The following GREB1 variants were observed in gnomAD, a reference collection of about 807,000 sequenced individuals.
The protein encoded by GREB1 is growth regulating estrogen receptor binding 1.
Under a neutral mutation model 200.7 loss-of-function variants are expected in GREB1, and 106 were observed. The ratio of observed to expected loss-of-function variants is 0.53; its 90% confidence interval spans 0.45 to 0.62. GREB1 has a LOEUF of 0.62. Among genes scored for constraint, GREB1 ranks in the 20% least tolerant of loss-of-function variants. GREB1 has a pLI of 0.00. For missense variants in GREB1, 2,243 were observed against 2,556.8 expected, an observed-to-expected ratio of 0.88 and a Z score of 2.65; for synonymous variants, 1,132 against 1,092.4, an observed-to-expected ratio of 1.04 and a Z score of -0.72.
intron 1 of GREB1, chr2:11,542,766 G>T (rs1674887189): frequency 1.3e-5 from 2 of 152,652 alleles, no homozygotes. Flanking sequence ...ATGCCCATAG[G>T]AAGGGCTCTC....
rs537207894 is a variant in GREB1 at position 11,539,452 on chromosome 2, C to T, written c.-162+5198C>T. ...CACAGCAGAGTTGTTTGAAGGGGCACGTGCTCGCTTATGTGGCTTAGGTCC... is the reference window on the plus strand; with the variant it reads ...CACAGCAGAGTTGTTTGAAGGGGCATGTGCTCGCTTATGTGGCTTAGGTCC... On this transcript the variant is annotated intron_variant, in intron 1 of 32. Coordinates refer to ENST00000381486, the MANE Select transcript of GREB1 (RefSeq NM_014668.4). Among the ~76,000 whole-genome samples, 23 of 152,226 alleles carry T rather than the reference C, an allele frequency of 1.5e-4. No homozygotes were observed. The South Asian group carries it at 4.6e-3, about 30-fold the overall frequency.
intron 18 of GREB1, among the ~76,000 whole-genome samples, chr2:11,611,324 C>G (rs1682906207): frequency 6.6e-6 from 1 of 152,088 alleles, no homozygotes; most frequent in Admixed American, 6.5e-5. Context: ...TCTTTATTTT[C>G]CCCTTTGAGA....
chr2:11,500,783 G>A (rs912828878), intron 1 of GREB1, among the ~76,000 whole-genome samples: 1 of 152,162 alleles, frequency 6.6e-6, no homozygotes, highest in Non-Finnish European at 1.5e-5. Context: ...GCAAATAATG[G>A]GGACTTTACA....
chr2:11,606,716 A>G (rs1682325745), intron 17 of GREB1, among the ~76,000 whole-genome samples: 1 of 151,230 alleles, frequency 6.6e-6, no homozygotes, highest in Admixed American at 6.6e-5. Flanking sequence ...ATCAAATGTG[A>G]CAATCTCTGC....
At chr2:11,569,709 G>A (rs1267647369) in intron 4 of GREB1, among the ~76,000 whole-genome samples, 2 of 152,230 alleles carry the variant, frequency 1.3e-5, no homozygotes, top group Non-Finnish European at 2.9e-5. Context: ...GAGGCTAACT[G>A]ACTTGCTCAG....
intron 17 of GREB1, 101 bp from the exon 18 acceptor site, chr2:11,610,587 G>A (rs1043840508): frequency 8.3e-6 from 7 of 844,158 alleles, no homozygotes; most frequent in South Asian, 1.7e-5. Flanking sequence ...GTATAATGCC[G>A]GAGTTGCCTG....
In GREB1 at chr2:11,627,612, T is replaced by C. The variant is rs763174700; in HGVS notation, c.4449+508T>C. ...AGCACCTACTGCATGCCAGGCAATG[T>C]GCCTAGGCACTTTTTATATATCAGT... On this transcript the variant is annotated intron_variant, in intron 25 of 32. Transcript: ENST00000381486. Among the ~76,000 whole-genome samples, 9 of 152,256 alleles carry C rather than the reference T, an allele frequency of 5.9e-5. No individual in the cohort carries two copies. In the South Asian group the frequency reaches 8.3e-4, roughly 14 times the overall value.
At chr2:11,568,014 A>G (rs1323276047) in intron 4 of GREB1, among the ~76,000 whole-genome samples, 1 of 152,174 alleles carries the variant, frequency 6.6e-6, no homozygotes, top group Non-Finnish European at 1.5e-5. Flanking sequence ...TCTTTGGAGG[A>G]AATCTGGGCA....
At chr2:11,546,657 G>T (rs1675307938) in intron 1 of GREB1, among the ~76,000 whole-genome samples, 1 of 152,148 alleles carries the variant, frequency 6.6e-6, no homozygotes, top group Non-Finnish European at 1.5e-5. Context: ...GGGAGAATAG[G>T]TAGAACCTGT....
intron 1 of GREB1, among the ~76,000 whole-genome samples, chr2:11,502,641 G>A (rs1673079827): frequency 6.6e-6 from 1 of 152,002 alleles, no homozygotes; most frequent in African/African-American, 2.4e-5. Context: ...ATAACTACAA[G>A]ACAGTTTAAC....
intron 1 of GREB1, among the ~76,000 whole-genome samples, chr2:11,517,657 A>T (rs754612241): frequency 2.4e-4 from 36 of 152,038 alleles, no homozygotes; most frequent in Non-Finnish European, 4.4e-4. Flanking sequence ...AGCATTTTTT[A>T]AATTTTTTTT....
At position 11,625,068 on chromosome 2, in the gene GREB1, C is replaced by T. The variant is rs1206537479; in HGVS notation, c.4148-86C>T. The T allele has an allele frequency of 2.9e-5, 31 of 1,067,590 alleles. No homozygotes were observed. The East Asian group carries it at 3.5e-4, about 12-fold the overall frequency. 66.1% of individuals were successfully genotyped at this position (1,067,590 alleles called of 1,614,324 possible). A position where few individuals can be genotyped will look rare whatever the true frequency, so the allele number is the denominator to read the frequency against. On this transcript the variant is annotated intron_variant, in intron 23 of 32. Coordinates refer to ENST00000381486, the MANE Select transcript of GREB1 (RefSeq NM_014668.4). The stretch of plus-strand genomic sequence containing the variant: ...TCGCCTGATGTCGCATTTCTCAGAA[C>T]GTATTCTGTGTTGTTTAGCGACACA...
At chr2:11,557,852 A>G (rs1314724986) in intron 2 of GREB1, among the ~76,000 whole-genome samples, 1 of 152,158 alleles carries the variant, frequency 6.6e-6, no homozygotes, top group Non-Finnish European at 1.5e-5. Context: ...AAAAGCACTG[A>G]TGTTTTCTGG....
chr2:11,626,818 C>G (rs1261630477), intron 24 of GREB1, 144 bp from the exon 25 acceptor site: 1 of 762,514 alleles, frequency 1.3e-6, no homozygotes, highest in African/African-American at 1.7e-5. Flanking sequence ...CGTCAGGGCC[C>G]AGGGAGGTGA....
rs544613088 is a variant in GREB1, at chr2:11,483,262, ACGTGTGTG to A, written c.-159+890_-159+897del. On this transcript the variant is annotated intron_variant, in intron 1 of 2. Transcript: ENST00000628795. ...TGCGTGTATGGGTGTGCGTGTGTGC[ACGTGTGTG>A]CGTGTGTGAGTGCGCGTGTGCGTGC... Among the ~76,000 whole-genome samples the A allele has an allele frequency of 6.1e-3, 857 of 139,744 alleles. 8 individuals carry two copies. Among genetic ancestry groups the A allele is most frequent in the African/African-American group, 0.021 (777 of 37,312 alleles). 91.7% of individuals were successfully genotyped at this position (139,744 alleles called of 152,430 possible). A position where few individuals can be genotyped will look rare whatever the true frequency, so the allele number is the denominator to read the frequency against.
At chr2:11,621,841 C>T (rs1182492038) in intron 23 of GREB1, among the ~76,000 whole-genome samples, 1 of 152,212 alleles carries the variant, frequency 6.6e-6, no homozygotes, top group African/African-American at 2.4e-5. Flanking sequence ...AGGAGAGGCT[C>T]TTCAGCTGGC....
intron 1 of GREB1, among the ~76,000 whole-genome samples, chr2:11,486,855 C>T (rs1019962126): frequency 2.0e-5 from 3 of 151,502 alleles, no homozygotes; most frequent in Admixed American, 2.0e-4. Context: ...GCAACGAGAT[C>T]GAAACTCCAT....
intron 1 of GREB1, among the ~76,000 whole-genome samples, chr2:11,545,110 G>A (rs895934575): frequency 1.9e-4 from 28 of 150,876 alleles, no homozygotes; most frequent in African/African-American, 6.6e-4. Flanking sequence ...CCACCGGCCC[G>A]GCCTGCTCTC....
At chr2:11,516,770 G>A (rs1673520445) in intron 1 of GREB1, among the ~76,000 whole-genome samples, 2 of 152,328 alleles carry the variant, frequency 1.3e-5, no homozygotes, top group Middle Eastern at 3.4e-3. Context: ...AAGTTACCTA[G>A]GAAGCTGCCA....
Sources: gnomAD v4.1 joint callset for allele counts (sites outside exome capture counted in the v4.1 genomes callset) on GRCh38, gnomAD v4.1.1 for gene constraint, MANE v1.5 for transcripts, NCBI Gene and HGNC (gene_info 2026-07-23, HGNC 2026-07-21) for gene names.